Variants in SPX observed in about 807,000 individuals in gnomAD.
SPX encodes the protein spexin.
A neutral mutation model predicts 19.2 loss-of-function variants in SPX; 22 were observed. The ratio of observed to expected loss-of-function variants is 1.15; its 90% CI spans 0.82 to 1.64. The LOEUF is 1.64. Ranked by LOEUF, SPX falls within the 40% of genes most tolerant of loss-of-function variation. The pLI is 0.00. For synonymous variants in SPX, 50 were observed against 53.3 expected (o/e 0.94, Z 0.27); for missense variants, 143 against 137.7 (o/e 1.04, Z -0.19).
rs771532894 is a variant in SPX at position 21,527,205 on chromosome 12, T to G, written c.145+13T>G. ...CTGAAAGGGGCACGTAAGTTCCAAATATTTCGCTCTTCCTACAATAATGGA... is the reference window on the plus strand; with the variant it reads ...CTGAAAGGGGCACGTAAGTTCCAAAGATTTCGCTCTTCCTACAATAATGGA... On this transcript the variant is annotated intron_variant, in intron 3 of 5. Coordinates refer to ENST00000256969, the MANE Select transcript of SPX (RefSeq NM_030572.4). The G allele has an allele frequency of 1.9e-6, 3 of 1,610,746 alleles. No homozygotes were observed. Among genetic ancestry groups the G allele is most frequent in the Admixed American group, 1.7e-5 (1 of 60,018 alleles).
In SPX at chr12:21,531,680, A is replaced by G. The variant is rs1280908503; in HGVS notation, c.*485A>G. ...AGGAGAGTATGACTCTCTATAGCTC[A>G]TCCAGGAGTAATCAATTAAGAAGAT... is the stretch of plus-strand genomic sequence containing the variant. On this transcript the variant is annotated 3_prime_UTR_variant, in exon 6 of 6. Transcript: ENST00000256969. 1 of 152,472 alleles carries G rather than the reference A, an allele frequency of 6.6e-6. No individual in the cohort carries two copies. The highest frequency in any genetic ancestry group is 1.5e-5 in the Non-Finnish European group (1 of 68,284). 9.4% of individuals were successfully genotyped at this position (152,472 alleles called of 1,614,324 possible). A position where few individuals can be genotyped will look rare whatever the true frequency, so the allele number is the denominator to read the frequency against.
At chr12:21,527,107 AC>A in intron 2 of SPX, 27 bp from the exon 3 acceptor site, 1 of 1,610,824 alleles carries the variant, frequency 6.2e-7, no homozygotes, top group African/African-American at 1.3e-5. Flanking sequence ...TGTTTTATTA[AC>A]TGCTCTTCCC....
At chr12:21,528,399 A>G (rs942245495) in intron 4 of SPX, among the ~76,000 whole-genome samples, 1 of 152,224 alleles carries the variant, frequency 6.6e-6, no homozygotes, top group Non-Finnish European at 1.5e-5. Flanking sequence ...TTTCCATCGT[A>G]TTGTATTAAC....
At chr12:21,526,509 C>A (rs759319521) in intron 1 of SPX, 31 bp downstream of exon 1, 1 of 1,581,444 alleles carries the variant, frequency 6.3e-7, no homozygotes, top group Non-Finnish European at 8.6e-7. Flanking sequence ...CTTGAGACTT[C>A]TTAGCTATTT....
chr12:21,527,100 T>C (rs1943821606), intron 2 of SPX, 35 bp from the exon 3 acceptor site: 3 of 1,608,124 alleles, frequency 1.9e-6, no homozygotes, highest in South Asian at 2.2e-5. Flanking sequence ...GCTGCAATGT[T>C]TTATTAACTG....
At chr12:21,527,256 A>G in intron 3 of SPX, 64 bp downstream of exon 3, 1 of 1,458,384 alleles carries the variant, frequency 6.9e-7, no homozygotes, top group Admixed American at 1.7e-5. Context: ...AGGAACAGAT[A>G]GATGGAGAGT....
intron 5 of SPX, 45 bp from the exon 6 acceptor site, chr12:21,531,092 A>AAC: frequency 8.6e-7 from 1 of 1,169,440 alleles, no homozygotes; most frequent in South Asian, 1.4e-5. Context: ...CCTCTATTAA[A>AAC]ACGCAGAGTG....
At position 21,528,910 on chromosome 12, in the gene SPX, G is replaced by T. The variant is rs1437325477; in HGVS notation, c.209-91G>T. The T allele has an allele frequency of 2.6e-6, 3 of 1,173,746 alleles. No individual in the cohort carries two copies. The African/African-American group carries it at 4.6e-5, about 18-fold the overall frequency. The allele number at this position is 1,173,746 out of a possible 1,614,324, so 72.7% of individuals were successfully genotyped here. On this transcript the variant is annotated intron_variant, in intron 4 of 5. Coordinates refer to ENST00000256969, the MANE Select transcript of SPX (RefSeq NM_030572.4). ...AGGGGTCAAAATCTATTTCATAGAG[G>T]TTTTTCTAGTATTGCTGCATGTTAG...
chr12:21,530,461 A>G (rs1943853821), intron 5 of SPX, among the ~76,000 whole-genome samples: 3 of 152,178 alleles, frequency 2.0e-5, no homozygotes, highest in African/African-American at 4.8e-5. Context: ...TTTTATCTAG[A>G]GGTGATCTTA....
At position 21,527,139 on chromosome 12, in the gene SPX, T is replaced by C. The variant is rs576043785; in HGVS notation, c.92T>C (p.Leu31Pro). 1.1e-5 allele frequency: 18 copies of C among 1,614,010 alleles called. No homozygotes were observed. The highest frequency in any genetic ancestry group is 1.6e-4 in the Middle Eastern group (1 of 6,062). ...LGNSSCAPQR[L>P]LERRNWTPQA... ...TTCCCTTCCCCCGGGCTATAGAGAC[T>C]GTTGGAGAGAAGGAACTGGACTCCT... is the stretch of plus-strand genomic sequence containing the variant. Residue 31 changes from leucine to proline, a missense_variant, in exon 3 of 6, where the codon CTG becomes CCG. By Grantham distance (98) the Leu-to-Pro change is moderately conservative (BLOSUM62 -3). Coordinates refer to ENST00000256969, the MANE Select transcript of SPX (RefSeq NM_030572.4).
At chr12:21,527,540 G>A in intron 3 of SPX, 187 bp from the exon 4 acceptor site, 1 of 650,450 alleles carries the variant, frequency 1.5e-6, no homozygotes, top group South Asian at 2.0e-5. Context: ...CAGAGCTCCA[G>A]GGCCCCTGGC....
intron 5 of SPX, 37 bp downstream of exon 5, chr12:21,529,121 A>G: frequency 6.3e-7 from 1 of 1,578,854 alleles, no homozygotes; most frequent in Non-Finnish European, 8.7e-7. Context: ...TGCATAACAG[A>G]ACAGCTTTGC....
At chr12:21,529,308 G>A (rs182370237) in intron 5 of SPX, among the ~76,000 whole-genome samples, 17 of 152,146 alleles carry the variant, frequency 1.1e-4, no homozygotes, top group South Asian at 8.3e-4. Context: ...TTCAGAGCCC[G>A]TTAATAAAGG....
rs1943864835 is a variant in SPX at position 21,531,503 on chromosome 12, G to A, written c.*308G>A. On this transcript the variant is annotated 3_prime_UTR_variant, in exon 6 of 6. Transcript: ENST00000256969. ...TGTTCTTTCCTTTTAACTATAGCCA[G>A]TACCTGTCTTGATCTTAGTTGTGTT... 5.4e-6 allele frequency: 1 copy of A among 185,542 alleles called. No individual in the cohort carries two copies. The highest frequency in any genetic ancestry group is 6.9e-5 in the Admixed American group (1 of 14,596). The allele number at this position is 185,542 out of a possible 1,614,324, so 11.5% of individuals were successfully genotyped here.
chr12:21,529,164 C>G, intron 5 of SPX, 80 bp downstream of exon 5: 1 of 1,328,330 alleles, frequency 7.5e-7, no homozygotes. Context: ...AGTGCAACAC[C>G]CCTCCCCCAG....
At chr12:21,529,916 T>C (rs1478526525) in intron 5 of SPX, among the ~76,000 whole-genome samples, 1 of 152,194 alleles carries the variant, frequency 6.6e-6, no homozygotes, top group South Asian at 2.1e-4. Context: ...GATTGGTTGA[T>C]AGTGACGTTT....
chr12:21,526,500 T>G, intron 1 of SPX, 22 bp downstream of exon 1: 2 of 1,587,582 alleles, frequency 1.3e-6, no homozygotes, highest in Non-Finnish European at 1.7e-6. Context: ...CTTTATTAAC[T>G]TGAGACTTCT....
At chr12:21,529,172 C>T (rs917589397) in intron 5 of SPX, 88 bp downstream of exon 5, 19 of 1,319,784 alleles carry the variant, frequency 1.4e-5, no homozygotes, top group Admixed American at 1.1e-4. Flanking sequence ...ACCCCTCCCC[C>T]AGAATTTCTT....
chr12:21,528,754 C>T (rs1463230471), intron 4 of SPX, among the ~76,000 whole-genome samples: 1 of 152,150 alleles, frequency 6.6e-6, no homozygotes. Context: ...ATCTAAAATT[C>T]TCTTTGGCAT....
Sources: gnomAD v4.1 joint callset for allele counts (sites outside exome capture counted in the v4.1 genomes callset) on GRCh38, gnomAD v4.1.1 for gene constraint, MANE v1.5 for transcripts, NCBI Gene and HGNC (gene_info 2026-07-23, HGNC 2026-07-21) for gene names.